The following SERTM1 variants were observed in gnomAD, a reference collection of about 807,000 sequenced individuals.
SERTM1 encodes serine-rich and transmembrane domain-containing protein 1.
Under a neutral mutation model 5.5 loss-of-function variants are expected in SERTM1, and 1 was observed. That is an observed-to-expected ratio of 0.18 (90% CI 0.06 to 0.86). The LOEUF is 0.86. Ranked by LOEUF, SERTM1 falls within the 40% of genes least tolerant of loss-of-function variation. The probability of loss-of-function intolerance (pLI) is 0.69; values close to 1 mark genes in which losing one functional copy is unlikely to be tolerated. For missense variants in SERTM1, 91 were observed against 122.4 expected (o/e 0.74, Z 1.21); for synonymous variants, 52 against 55.1 (o/e 0.94, Z 0.25).
At chr13:36,691,966 C>A (rs750129495) in intron 1 of SERTM1, among the ~76,000 whole-genome samples, 1 of 152,098 alleles carries the variant, frequency 6.6e-6, no homozygotes. Context: ...AATAAGGAAA[C>A]GAGAATTAAC....
rs2138103131 is a variant in SERTM1, at chr13:36,696,007, A to C, written c.*605A>C. 6.0e-6 allele frequency: 1 copy of C among 167,244 alleles called. No individual in the cohort carries two copies. The highest frequency in any genetic ancestry group is 6.5e-5 in the Admixed American group (1 of 15,306). 10.4% of individuals were successfully genotyped at this position (167,244 alleles called of 1,614,324 possible). A position where few individuals can be genotyped will look rare whatever the true frequency, so the allele number is the denominator to read the frequency against. ...TGTAAGTCATTTGGGAAAGTTTTGGAAGAGTTTACATTTTAATAGCAAGAC... is the reference window on the plus strand; with the variant it reads ...TGTAAGTCATTTGGGAAAGTTTTGGCAGAGTTTACATTTTAATAGCAAGAC... On this transcript the variant is annotated 3_prime_UTR_variant, in exon 2 of 2. Transcript: ENST00000315190.
At chr13:36,682,636 T>A (rs2056712731) in intron 1 of SERTM1, among the ~76,000 whole-genome samples, 1 of 152,112 alleles carries the variant, frequency 6.6e-6, no homozygotes, top group Admixed American at 6.5e-5. Flanking sequence ...GAAAACAGCA[T>A]GTTATGCCTG....
In SERTM1 at chr13:36,695,073, A is replaced by G; in HGVS notation, c.-6A>G. 1.2e-6 allele frequency: 2 copies of G among 1,609,808 alleles called. No homozygotes were observed. Among genetic ancestry groups the G allele is most frequent in the Non-Finnish European group, 1.7e-6 (2 of 1,177,076 alleles). On this transcript the variant is annotated 5_prime_UTR_variant, in exon 2 of 2. Transcript: ENST00000315190. ...CTACCAGATCACTCCTTCACCCTCC[A>G]TAAAGATGTCTGAACCTGACACTTC...
chr13:36,695,529 C>G lies in SERTM1; in HGVS notation c.*127C>G. ...AGACCTGCTTCTCCTTCTCCTTTTT[C>G]TCTGATTTCTTTTCTGTTCATGATG... On this transcript the variant is annotated 3_prime_UTR_variant, in exon 2 of 2. Transcript: ENST00000315190. 1 of 694,574 alleles carries G rather than the reference C, an allele frequency of 1.4e-6. No individual in the cohort carries two copies. The highest frequency in any genetic ancestry group is 1.9e-5 in the South Asian group (1 of 51,544). 43.0% of individuals were successfully genotyped at this position (694,574 alleles called of 1,614,324 possible). A position where few individuals can be genotyped will look rare whatever the true frequency, so the allele number is the denominator to read the frequency against.
chr13:36,678,658 G>A (rs1381124048), intron 1 of SERTM1, among the ~76,000 whole-genome samples: 1 of 125,876 alleles, frequency 7.9e-6, no homozygotes, highest in Non-Finnish European at 1.8e-5. Context: ...ATGTATCCTG[G>A]AACTTAAAAT....
At position 36,696,710 on chromosome 13, in the gene SERTM1, T is replaced by C. The variant is rs932814882; in HGVS notation, c.*1308T>C. On this transcript the variant is annotated 3_prime_UTR_variant, in exon 2 of 2. Coordinates refer to ENST00000315190, the MANE Select transcript of SERTM1 (RefSeq NM_203451.3). Reference sequence around the variant, plus strand: ...GCCCCTAAAAACAAAACAATCAAACTGCAGCTCCTTAAGAGTAAGAATTTT... The same window carrying C: ...GCCCCTAAAAACAAAACAATCAAACCGCAGCTCCTTAAGAGTAAGAATTTT... The C allele has an allele frequency of 1.2e-5, 2 of 166,934 alleles. No individual in the cohort carries two copies. The highest frequency in any genetic ancestry group is 1.3e-4 in the Admixed American group (2 of 15,280). The allele number at this position is 166,934 out of a possible 1,614,324, so 10.3% of individuals were successfully genotyped here.
chr13:36,684,974 A>T (rs1269841995), intron 1 of SERTM1, among the ~76,000 whole-genome samples: 1 of 152,184 alleles, frequency 6.6e-6, no homozygotes, highest in Non-Finnish European at 1.5e-5. Flanking sequence ...ATTATTTTTC[A>T]GTTTCACCTT....
chr13:36,697,314 T>TATATATATATATATATATATATATATAC lies in SERTM1; in HGVS notation c.*1935_*1936insTATACATATATATATATATATATATATA, dbSNP rs2056822458. ...ACGCACACACACACACACACATAAA[T>TATATATATATATATATATATATATATAC]ATATATATATATATATATATATAAA... On this transcript the variant is annotated 3_prime_UTR_variant, in exon 2 of 2. Coordinates refer to ENST00000315190, the MANE Select transcript of SERTM1 (RefSeq NM_203451.3). The TATATATATATATATATATATATATATAC allele has an allele frequency of 6.8e-5, 7 of 102,314 alleles. No homozygotes were observed. Among genetic ancestry groups the TATATATATATATATATATATATATATAC allele is most frequent in the African/African-American group, 3.2e-4 (7 of 21,940 alleles). 6.3% of individuals were successfully genotyped at this position (102,314 alleles called of 1,614,324 possible). A position where few individuals can be genotyped will look rare whatever the true frequency, so the allele number is the denominator to read the frequency against.
intron 1 of SERTM1, among the ~76,000 whole-genome samples, chr13:36,679,618 G>A (rs1187378098): frequency 6.6e-6 from 1 of 152,116 alleles, no homozygotes; most frequent in Non-Finnish European, 1.5e-5. Context: ...ATGCTGGCCA[G>A]CTGGTCTTGA....
chr13:36,689,159 A>G (rs2056761193), intron 1 of SERTM1, among the ~76,000 whole-genome samples: 1 of 152,188 alleles, frequency 6.6e-6, no homozygotes, highest in Non-Finnish European at 1.5e-5. Flanking sequence ...TAAGGCAGTG[A>G]TTTGGATATA....
At position 36,683,750 on chromosome 13, in the gene SERTM1, A is replaced by C. The variant is rs1053335018; in HGVS notation, c.-174+9566A>C. Among the ~76,000 whole-genome samples the C allele has an allele frequency of 2.0e-5, 3 of 152,308 alleles. No individual in the cohort carries two copies. In the East Asian group the frequency reaches 5.8e-4, roughly 29 times the overall value. ...TCACCTTTCATACATTTCATTGGTC[A>C]AAATAAGTCATACAGTCACCCTAAA... On this transcript the variant is annotated intron_variant, in intron 1 of 1. Transcript: ENST00000315190.
In SERTM1 at chr13:36,695,409, T is replaced by C; in HGVS notation, c.*7T>C. The C allele has an allele frequency of 6.2e-6, 10 of 1,608,518 alleles. No homozygotes were observed. Among genetic ancestry groups the C allele is most frequent in the Non-Finnish European group, 8.5e-6 (10 of 1,176,328 alleles). ...TTCAAACCTTTCATCCTGAGGAAAA[T>C]GGAAGAGTCCTTGAGTGTGGCAGCA... On this transcript the variant is annotated 3_prime_UTR_variant, in exon 2 of 2. Transcript: ENST00000315190.
At chr13:36,679,027 G>C (rs1170516708) in intron 1 of SERTM1, among the ~76,000 whole-genome samples, 1 of 151,986 alleles carries the variant, frequency 6.6e-6, no homozygotes, top group Non-Finnish European at 1.5e-5. Flanking sequence ...CTCCTCAAAA[G>C]AATTTTATTA....
chr13:36,685,382 T>C (rs767952797), intron 1 of SERTM1, among the ~76,000 whole-genome samples: 2 of 152,182 alleles, frequency 1.3e-5, no homozygotes, highest in Non-Finnish European at 2.9e-5. Flanking sequence ...TCCAGGTAGA[T>C]GAGTAATTTT....
intron 1 of SERTM1, among the ~76,000 whole-genome samples, chr13:36,684,155 G>A (rs1284091577): frequency 6.6e-6 from 1 of 152,100 alleles, no homozygotes; most frequent in Non-Finnish European, 1.5e-5. Flanking sequence ...AAATTAGCCG[G>A]ACGTGGTGGT....
At chr13:36,691,412 C>T (rs182711250) in intron 1 of SERTM1, among the ~76,000 whole-genome samples, 1 of 152,296 alleles carries the variant, frequency 6.6e-6, no homozygotes, top group Admixed American at 6.5e-5. Flanking sequence ...CCACTGGGCA[C>T]ATGGTGAGAG....
chr13:36,686,322 C>A (rs576784982), intron 1 of SERTM1, among the ~76,000 whole-genome samples: 1 of 152,312 alleles, frequency 6.6e-6, no homozygotes, highest in South Asian at 2.1e-4. Flanking sequence ...AATCTGGCTT[C>A]TATCATTGTA....
At position 36,685,922 on chromosome 13, in the gene SERTM1, A is replaced by G. The variant is rs187200750; in HGVS notation, c.-173-8984A>G. Among the ~76,000 whole-genome samples, 3 of 152,222 alleles carry G rather than the reference A, an allele frequency of 2.0e-5. No homozygotes were observed. In the East Asian group the frequency reaches 5.8e-4, roughly 29 times the overall value. ...CTTGTGGGTTCTCCCTGATCTTCTC[A>G]CAGATCACCTACTCATTGGTCCTCA... is the stretch of plus-strand genomic sequence containing the variant. On this transcript the variant is annotated intron_variant, in intron 1 of 1. Coordinates refer to ENST00000315190, the MANE Select transcript of SERTM1 (RefSeq NM_203451.3).
Position 36,695,047 on chromosome 13 carries a change from T to G in SERTM1, c.-32T>G. Reference sequence around the variant, plus strand: ...GCCCTGTGTGAAGTTTTGACTTTAATCTACCAGATCACTCCTTCACCCTCC... The same window carrying G: ...GCCCTGTGTGAAGTTTTGACTTTAAGCTACCAGATCACTCCTTCACCCTCC... On this transcript the variant is annotated 5_prime_UTR_variant, in exon 2 of 2. Transcript: ENST00000315190. 1 of 1,524,028 alleles carries G rather than the reference T, an allele frequency of 6.6e-7. No individual in the cohort carries two copies. The highest frequency in any genetic ancestry group is 9.0e-7 in the Non-Finnish European group (1 of 1,111,778). The allele number at this position is 1,524,028 out of a possible 1,614,324, so 94.4% of individuals were successfully genotyped here.
Sources: gnomAD v4.1 joint callset for allele counts (sites outside exome capture counted in the v4.1 genomes callset) on GRCh38, gnomAD v4.1.1 for gene constraint, MANE v1.5 for transcripts, NCBI Gene and HGNC (gene_info 2026-07-23, HGNC 2026-07-21) for gene names.